The following ATP10A variants were observed in gnomAD, a reference collection of about 807,000 sequenced individuals.
ATP10A encodes ATPase phospholipid transporting 10A (putative), also known as phospholipid-transporting ATPase VA.
Under a neutral mutation model 147.8 loss-of-function variants are expected in ATP10A, and 111 were observed. The ratio of observed to expected loss-of-function variants is 0.75; its 90% CI spans 0.64 to 0.88. ATP10A has a LOEUF of 0.88. Ranked by LOEUF, ATP10A falls within the 40% of genes least tolerant of loss-of-function variation. The pLI is 0.00. For missense variants in ATP10A, 1,927 were observed against 1,959.0 expected, an observed-to-expected ratio of 0.98 and a Z score of 0.31; for synonymous variants, 875 against 841.6, an observed-to-expected ratio of 1.04 and a Z score of -0.69.
chr15:25,713,665 T>C lies in ATP10A; in HGVS notation c.2344+9A>G. ...GAGCTGGGGTGCAGCTGGGCAGGGGTGGGAGTACCTGAAGAGCAGGGCTGC... is the reference window on the plus strand; with the variant it reads ...GAGCTGGGGTGCAGCTGGGCAGGGGCGGGAGTACCTGAAGAGCAGGGCTGC... On this transcript the variant is annotated intron_variant, in intron 10 of 20. Transcript: ENST00000555815. 1 of 1,611,880 alleles carries C rather than the reference T, an allele frequency of 6.2e-7. No homozygotes were observed. Among genetic ancestry groups the C allele is most frequent in the Non-Finnish European group, 8.5e-7 (1 of 1,179,110 alleles).
At position 25,757,842 on chromosome 15, in the gene ATP10A, G is replaced by T. The variant is rs573227814; in HGVS notation, c.655-21701C>A. 1.3e-3 allele frequency among the ~76,000 whole-genome samples: 190 copies of T among 144,020 alleles called. 2 individuals carry two copies. Among genetic ancestry groups the T allele is most frequent in the African/African-American group, 4.8e-3 (182 of 37,676 alleles). The allele number at this position is 144,020 out of a possible 152,430, so 94.5% of individuals were successfully genotyped here. Reference sequence around the variant, plus strand: ...CACCTGCTCCACCCTAACTCATTCCGACCACCTGCTCCACCCTAACTCATT... The same window carrying T: ...CACCTGCTCCACCCTAACTCATTCCTACCACCTGCTCCACCCTAACTCATT... On this transcript the variant is annotated intron_variant, in intron 2 of 20. Coordinates refer to ENST00000555815, the MANE Select transcript of ATP10A (RefSeq NM_024490.4).
At chr15:25,787,445 C>G (rs932414612) in intron 1 of ATP10A, among the ~76,000 whole-genome samples, 1 of 151,696 alleles carries the variant, frequency 6.6e-6, no homozygotes, top group Non-Finnish European at 1.5e-5. Flanking sequence ...GAGACCCCAT[C>G]TCTCCAAAAA....
chr15:25,824,422 T>C (rs7498080), intron 1 of ATP10A, among the ~76,000 whole-genome samples: 95,980 of 149,722 alleles, frequency 0.64, 33,868 homozygotes, highest in East Asian at 0.85. Context: ...TACAGAGAGC[T>C]GTGATCACAC....
At position 25,763,228 on chromosome 15, in the gene ATP10A, C is replaced by T. The variant is rs538679737; in HGVS notation, c.654+17791G>A. 8.5e-5 allele frequency among the ~76,000 whole-genome samples: 13 copies of T among 152,294 alleles called. No homozygotes were observed. In the East Asian group the frequency reaches 1.5e-3, roughly 18 times the overall value. ...TGCTGAGAATAAGGGTGTTATTTTA[C>T]GTGCCTAAATTGCTTGCCCATGGAA... On this transcript the variant is annotated intron_variant, in intron 2 of 20. Coordinates refer to ENST00000555815, the MANE Select transcript of ATP10A (RefSeq NM_024490.4).
At chr15:25,707,374 A>G (rs895188929) in intron 12 of ATP10A, among the ~76,000 whole-genome samples, 3 of 152,174 alleles carry the variant, frequency 2.0e-5, no homozygotes, top group South Asian at 2.1e-4. Context: ...CTCTTCAAGG[A>G]CACACAGAGC....
chr15:25,787,425 G>A (rs1327198156), intron 1 of ATP10A, among the ~76,000 whole-genome samples: 1 of 151,826 alleles, frequency 6.6e-6, no homozygotes, highest in Non-Finnish European at 1.5e-5. Flanking sequence ...ACCAGCCTGG[G>A]CAACATAGTG....
At chr15:25,712,752 C>T (rs1901521895) in intron 10 of ATP10A, among the ~76,000 whole-genome samples, 1 of 152,138 alleles carries the variant, frequency 6.6e-6, no homozygotes, top group African/African-American at 2.4e-5. Flanking sequence ...GAAGGTCATC[C>T]AAACTCCTCT....
intron 2 of ATP10A, among the ~76,000 whole-genome samples, chr15:25,739,906 G>A (rs532287033): frequency 1.3e-5 from 2 of 152,284 alleles, no homozygotes; most frequent in African/African-American, 2.4e-5. Flanking sequence ...CTGAACTTGC[G>A]TTTCTGCTAG....
At chr15:25,734,739 T>A (rs1887163150) in intron 3 of ATP10A, among the ~76,000 whole-genome samples, 1 of 152,154 alleles carries the variant, frequency 6.6e-6, no homozygotes, top group East Asian at 1.9e-4. Flanking sequence ...GCTATCGGTG[T>A]CTGATTCTCA....
chr15:25,800,563 G>A (rs1047008668), intron 1 of ATP10A, among the ~76,000 whole-genome samples: 2 of 152,114 alleles, frequency 1.3e-5, no homozygotes, highest in Admixed American at 6.5e-5. Flanking sequence ...GCTGCTCCCT[G>A]GCACTGTTCC....
At chr15:25,689,413 C>G (rs1402155522) in intron 15 of ATP10A, among the ~76,000 whole-genome samples, 1 of 152,202 alleles carries the variant, frequency 6.6e-6, no homozygotes, top group East Asian at 1.9e-4. Flanking sequence ...CCTCTTGCCC[C>G]CTGCCTGGGG....
chr15:25,771,035 T>C (rs1449922940), intron 2 of ATP10A, among the ~76,000 whole-genome samples: 1 of 152,134 alleles, frequency 6.6e-6, no homozygotes, highest in Non-Finnish European at 1.5e-5. Context: ...CTGTAGAAAG[T>C]GCATGCTGTT....
chr15:25,708,497 T>G (rs1235058508), intron 10 of ATP10A, 197 bp from the exon 11 acceptor site: 1 of 565,384 alleles, frequency 1.8e-6, no homozygotes, highest in Non-Finnish European at 3.1e-6. Context: ...TTATTTTATT[T>G]TTTTATAGAG....
At chr15:25,842,868 C>T (rs142369876) in intron 1 of ATP10A, among the ~76,000 whole-genome samples, 6 of 152,164 alleles carry the variant, frequency 3.9e-5, no homozygotes, top group African/African-American at 1.4e-4. Flanking sequence ...TGCACATCAC[C>T]ACAACTGGCT....
intron 2 of ATP10A, among the ~76,000 whole-genome samples, chr15:25,750,893 T>G (rs1240345202): frequency 6.6e-6 from 1 of 151,864 alleles, no homozygotes; most frequent in Non-Finnish European, 1.5e-5. Context: ...TGAAAAGGTA[T>G]AGCTAATGGG....
chr15:25,794,343 TAATA>T (rs770281608), intron 1 of ATP10A, among the ~76,000 whole-genome samples: 9 of 151,750 alleles, frequency 5.9e-5, no homozygotes, highest in Admixed American at 3.3e-4. Context: ...GCAACCTCTT[TAATA>T]AATAAATAAA....
intron 1 of ATP10A, among the ~76,000 whole-genome samples, chr15:25,800,014 G>A (rs981025925): frequency 2.0e-5 from 3 of 152,164 alleles, no homozygotes; most frequent in African/African-American, 7.2e-5. Context: ...TCTAAAGAAG[G>A]AGGAAAAGCG....
At chr15:25,767,451 A>G (rs536077670) in intron 2 of ATP10A, among the ~76,000 whole-genome samples, 15 of 152,316 alleles carry the variant, frequency 9.8e-5, no homozygotes, top group African/African-American at 3.6e-4. Flanking sequence ...CAGGATCTGG[A>G]GCCCAATGTT....
intron 1 of ATP10A, among the ~76,000 whole-genome samples, chr15:25,845,428 C>T (rs549370949): frequency 6.6e-6 from 1 of 152,234 alleles, no homozygotes; most frequent in African/African-American, 2.4e-5. Context: ...CACACTGAGC[C>T]TCCCCGGAAC....
Sources: allele counts gnomAD v4.1 joint callset (sites outside exome capture counted in the v4.1 genomes callset), GRCh38; gene constraint gnomAD v4.1.1; transcripts MANE v1.5; gene names NCBI Gene and HGNC (gene_info 2026-07-23, HGNC 2026-07-21).